The following RBFOX1 variants were observed in gnomAD, a reference collection of about 807,000 sequenced individuals.
The protein encoded by RBFOX1 is RNA binding fox-1 homolog 1.
In RBFOX1, 8 loss-of-function variants were observed where a neutral mutation model predicts 57.7. The ratio of observed to expected loss-of-function variants is 0.14; its 90% CI spans 0.08 to 0.25. The LOEUF (loss-of-function observed/expected upper bound fraction) is 0.25. RBFOX1 is among the 10% of genes least tolerant of loss of function. RBFOX1 has a pLI of 1.00. For synonymous variants in RBFOX1, 326 were observed against 222.4 expected, an observed-to-expected ratio of 1.47 and a Z score of -4.15; for missense variants, 611 against 548.5, an observed-to-expected ratio of 1.11 and a Z score of -1.14.
chr16:5,684,788 G>T (rs2050452471), intron 3 of RBFOX1, among the ~76,000 whole-genome samples: 1 of 152,132 alleles, frequency 6.6e-6, no homozygotes, highest in African/African-American at 2.4e-5. Flanking sequence ...CTGGAGCCCT[G>T]TCCTGAGCTG....
chr16:6,104,292 C>A (rs945713574), intron 1 of RBFOX1, among the ~76,000 whole-genome samples: 1 of 151,908 alleles, frequency 6.6e-6, no homozygotes, highest in South Asian at 2.1e-4. Context: ...AGGAGAATAT[C>A]CTTCATCAGT....
intron 2 of RBFOX1, among the ~76,000 whole-genome samples, chr16:5,475,869 G>A (rs518338): frequency 0.19 from 28,931 of 152,044 alleles, 2,953 homozygotes; most frequent in Middle Eastern, 0.29. Context: ...ACAGTGGCAC[G>A]ATCATAGCCC....
chr16:6,920,914 A>G (rs1456033698), intron 3 of RBFOX1, among the ~76,000 whole-genome samples: 1 of 152,196 alleles, frequency 6.6e-6, no homozygotes, highest in Non-Finnish European at 1.5e-5. Flanking sequence ...TAGGACTTGG[A>G]CATAGGTTTT....
chr16:7,566,382 T>C (rs2091692655), intron 5 of RBFOX1, among the ~76,000 whole-genome samples: 1 of 152,162 alleles, frequency 6.6e-6, no homozygotes, highest in Non-Finnish European at 1.5e-5. Flanking sequence ...CTCCTGTCTA[T>C]ATGTACTTTG....
chr16:7,366,969 C>T (rs1316234221), intron 4 of RBFOX1, among the ~76,000 whole-genome samples: 1 of 152,072 alleles, frequency 6.6e-6, no homozygotes, highest in African/African-American at 2.4e-5. Flanking sequence ...ATCGATTGTA[C>T]TTTTGTCAGG....
intron 3 of RBFOX1, among the ~76,000 whole-genome samples, chr16:5,673,455 C>G (rs78439529): frequency 0.015 from 2,288 of 152,326 alleles, 30 homozygotes; most frequent in Non-Finnish European, 0.024. Flanking sequence ...CTTCCTCTCT[C>G]TGGCTTTCAG....
chr16:6,224,886 G>A (rs1353419620), intron 1 of RBFOX1, among the ~76,000 whole-genome samples: 1 of 151,964 alleles, frequency 6.6e-6, no homozygotes, highest in African/African-American at 2.4e-5. Flanking sequence ...GGGTGTGGTG[G>A]TGGGCACCTG....
At chr16:7,060,623 A>G (rs535387099) in intron 4 of RBFOX1, among the ~76,000 whole-genome samples, 1 of 152,302 alleles carries the variant, frequency 6.6e-6, no homozygotes, top group African/African-American at 2.4e-5. Context: ...AACCCTAATG[A>G]CTCAGAACCC....
intron 4 of RBFOX1, among the ~76,000 whole-genome samples, chr16:5,945,288 G>A (rs1240228586): frequency 1.3e-5 from 2 of 152,172 alleles, no homozygotes; most frequent in African/African-American, 2.4e-5. Context: ...CCCACACATG[G>A]TCTGATGTTG....
At chr16:7,351,370 T>A (rs1366168586) in intron 4 of RBFOX1, among the ~76,000 whole-genome samples, 1 of 152,276 alleles carries the variant, frequency 6.6e-6, no homozygotes, top group Non-Finnish European at 1.5e-5. Flanking sequence ...CATGTATTAA[T>A]CACCACTACG....
chr16:6,733,110 A>C (rs1292199428), intron 3 of RBFOX1, among the ~76,000 whole-genome samples: 1 of 152,206 alleles, frequency 6.6e-6, no homozygotes, highest in East Asian at 1.9e-4. Flanking sequence ...AAATATATGA[A>C]TATAAGCACT....
chr16:6,476,897 T>A (rs1490349396), intron 2 of RBFOX1, among the ~76,000 whole-genome samples: 1 of 152,242 alleles, frequency 6.6e-6, no homozygotes, highest in East Asian at 1.9e-4. Flanking sequence ...ACATTCTTTG[T>A]TGTCATTGCA....
intron 1 of RBFOX1, among the ~76,000 whole-genome samples, chr16:6,229,817 AG>A (rs2097445159): frequency 6.6e-6 from 1 of 152,142 alleles, no homozygotes; most frequent in African/African-American, 2.4e-5. Flanking sequence ...CATATATCTT[AG>A]ACTCGGTGGT....
chr16:6,362,913 C>T (rs1443030391), intron 2 of RBFOX1, among the ~76,000 whole-genome samples: 2 of 152,128 alleles, frequency 1.3e-5, no homozygotes, highest in African/African-American at 4.8e-5. Context: ...GTTGCTTGGT[C>T]CCCCTTCTAA....
At chr16:6,134,389 T>C (rs12922855) in intron 1 of RBFOX1, among the ~76,000 whole-genome samples, 12,673 of 152,248 alleles carry the variant, frequency 0.083, 574 homozygotes, top group Middle Eastern at 0.095. Flanking sequence ...CAAGAACCGA[T>C]TACAGGATCT....
intron 2 of RBFOX1, among the ~76,000 whole-genome samples, chr16:5,595,920 C>T (rs2047165610): frequency 6.6e-6 from 1 of 152,082 alleles, no homozygotes; most frequent in South Asian, 2.1e-4. Flanking sequence ...GTAAAAGTGG[C>T]AGGAAGGGCA....
At chr16:7,245,313 T>C (rs1033391297) in intron 4 of RBFOX1, among the ~76,000 whole-genome samples, 1 of 152,234 alleles carries the variant, frequency 6.6e-6, no homozygotes, top group African/African-American at 2.4e-5. Context: ...TCCTGTACTC[T>C]TGAGTTTTTT....
At chr16:6,941,653 A>T (rs1220149175) in intron 3 of RBFOX1, among the ~76,000 whole-genome samples, 1 of 152,024 alleles carries the variant, frequency 6.6e-6, no homozygotes, top group Non-Finnish European at 1.5e-5. Context: ...GAATGGGTTT[A>T]TCTATAAAGC....
chr16:7,002,913 C>G (rs990134080), intron 3 of RBFOX1, among the ~76,000 whole-genome samples: 2 of 151,970 alleles, frequency 1.3e-5, no homozygotes, highest in African/African-American at 4.8e-5. Context: ...TAACACAAGA[C>G]AGAAACTTAG....
Sources: gnomAD v4.1 joint callset for allele counts (sites outside exome capture counted in the v4.1 genomes callset) on GRCh38, gnomAD v4.1.1 for gene constraint, MANE v1.5 for transcripts, NCBI Gene and HGNC (gene_info 2026-07-23, HGNC 2026-07-21) for gene names.